DLGAP1: variants seen among roughly 807,000 people sequenced by gnomAD.
DLGAP1 encodes disks large-associated protein 1.
A neutral mutation model predicts 90.8 loss-of-function variants in DLGAP1; 11 were observed. The observed-to-expected ratio is 0.12, with a 90% CI of 0.08 to 0.20. DLGAP1 has a LOEUF of 0.20. Among genes scored for constraint, DLGAP1 ranks in the 10% least tolerant of loss-of-function variants. The pLI, the probability that DLGAP1 is intolerant of heterozygous loss-of-function variation, is 1.00. For missense variants in DLGAP1, 1,050 were observed against 1,333.8 expected (o/e 0.79, Z 3.31); for synonymous variants, 558 against 540.7 (o/e 1.03, Z -0.44).
chr18:4,246,018 C>T (rs1422052556), intron 1 of DLGAP1, among the ~76,000 whole-genome samples: 1 of 152,148 alleles, frequency 6.6e-6, no homozygotes, highest in South Asian at 2.1e-4. Context: ...TGTTTCAGTA[C>T]CACTTGCTGA....
intron 7 of DLGAP1, among the ~76,000 whole-genome samples, chr18:3,612,721 T>C (rs17725070): frequency 0.093 from 14,150 of 152,332 alleles, 840 homozygotes; most frequent in South Asian, 0.18. Context: ...TCTGAAACAT[T>C]GACCAATCAT....
intron 7 of DLGAP1, among the ~76,000 whole-genome samples, chr18:3,674,464 A>T (rs1955071292): frequency 6.6e-6 from 1 of 151,420 alleles, no homozygotes; most frequent in African/African-American, 2.4e-5. Flanking sequence ...ACAAAAAAAT[A>T]AAAAAATCAG....
rs34368710 is a variant in DLGAP1, at chr18:3,636,586, A to ATTT, written c.1592-54341_1592-54339dup. 9.4e-5 allele frequency among the ~76,000 whole-genome samples: 14 copies of ATTT among 149,482 alleles called. 1 individual carries two copies. In the East Asian group the frequency reaches 1.2e-3, roughly 13 times the overall value. On this transcript the variant is annotated intron_variant, in intron 7 of 12. Coordinates refer to ENST00000315677, the MANE Select transcript of DLGAP1 (RefSeq NM_004746.4). ...GCCACAATGCATGGCTAAATTTTGTATTTTTTTTTAGTAGAGATGGGATTA... is the reference window on the plus strand; with the variant it reads ...GCCACAATGCATGGCTAAATTTTGTATTTTTTTTTTTTAGTAGAGATGGGATTA...
chr18:3,751,478 T>C (rs2063491613), intron 5 of DLGAP1, among the ~76,000 whole-genome samples: 1 of 151,890 alleles, frequency 6.6e-6, no homozygotes, highest in Non-Finnish European at 1.5e-5. Flanking sequence ...AATTTTTTTT[T>C]GTAGAGATGG....
chr18:3,772,101 CTTTT>C (rs956571391), intron 5 of DLGAP1, among the ~76,000 whole-genome samples: 68 of 151,366 alleles, frequency 4.5e-4, no homozygotes, highest in Admixed American at 2.9e-3. Context: ...GCCTTTCTTT[CTTTT>C]CTTTTCTTTC....
intron 4 of DLGAP1, 142 bp downstream of exon 4, chr18:3,878,970 G>A (rs565376105): frequency 2.2e-4 from 143 of 642,908 alleles, no homozygotes; most frequent in Non-Finnish European, 3.2e-4. Context: ...GGAGCAATTC[G>A]GCACAGAGAT....
intron 7 of DLGAP1, among the ~76,000 whole-genome samples, chr18:3,610,001 T>C (rs984050045): frequency 6.6e-6 from 1 of 151,656 alleles, no homozygotes; most frequent in Non-Finnish European, 1.5e-5. Flanking sequence ...GAGGTTGCAG[T>C]GAGCCGAGAT....
In DLGAP1 at chr18:4,252,358, T is replaced by A. The variant is rs139166982; in HGVS notation, c.-266-101071A>T. On this transcript the variant is annotated intron_variant, in intron 1 of 12. Transcript: ENST00000315677. The stretch of plus-strand genomic sequence containing the variant: ...ATAGTAGCCTGATACATGAGCAATT[T>A]GGGGGAAGGGATATTTTTCAGAAAT... 1.9e-3 allele frequency among the ~76,000 whole-genome samples: 296 copies of A among 152,308 alleles called. 2 individuals are homozygous for A. The highest frequency in any genetic ancestry group is 6.5e-3 in the African/African-American group (270 of 41,570).
At chr18:4,202,973 T>G (rs1274915094) in intron 1 of DLGAP1, among the ~76,000 whole-genome samples, 8 of 152,174 alleles carry the variant, frequency 5.3e-5, no homozygotes, top group Non-Finnish European at 1.5e-5. Flanking sequence ...TTAAATCACC[T>G]GATTAAAATA....
At chr18:4,034,478 C>T (rs1442259250) in intron 2 of DLGAP1, among the ~76,000 whole-genome samples, 2 of 152,122 alleles carry the variant, frequency 1.3e-5, no homozygotes, top group Non-Finnish European at 1.5e-5. Context: ...GTCCTGTTGC[C>T]TTATTGTAAG....
At chr18:3,839,999 A>G (rs891425284) in intron 4 of DLGAP1, among the ~76,000 whole-genome samples, 2 of 152,026 alleles carry the variant, frequency 1.3e-5, no homozygotes, top group Non-Finnish European at 2.9e-5. Flanking sequence ...AAGCCCCACA[A>G]ATGGCTTTAC....
chr18:3,959,980 A>G (rs1339005106), intron 3 of DLGAP1, among the ~76,000 whole-genome samples: 1 of 152,194 alleles, frequency 6.6e-6, no homozygotes, highest in Non-Finnish European at 1.5e-5. Flanking sequence ...GCACATGACC[A>G]GTAGATAATA....
intron 7 of DLGAP1, among the ~76,000 whole-genome samples, chr18:3,609,233 G>C (rs1006185331): frequency 5.9e-5 from 9 of 152,118 alleles, no homozygotes; most frequent in East Asian, 1.9e-4. Flanking sequence ...TTTTTGTAGA[G>C]ATATGGTCTC....
intron 5 of DLGAP1, among the ~76,000 whole-genome samples, chr18:3,760,154 T>C (rs553077310): frequency 7.9e-5 from 12 of 152,098 alleles, no homozygotes; most frequent in Non-Finnish European, 1.3e-4. Flanking sequence ...CCTCCTTATA[T>C]GTTTGTTATG....
chr18:4,232,278 T>G (rs970218838), intron 1 of DLGAP1, among the ~76,000 whole-genome samples: 1 of 152,158 alleles, frequency 6.6e-6, no homozygotes, highest in Non-Finnish European at 1.5e-5. Context: ...TCCTTAAATT[T>G]TTTTTTAAAA....
chr18:3,890,772 A>C (rs1421079931), intron 3 of DLGAP1, among the ~76,000 whole-genome samples: 1 of 152,142 alleles, frequency 6.6e-6, no homozygotes, highest in Non-Finnish European at 1.5e-5. Flanking sequence ...TGTATCACCC[A>C]AGGTGGAGTG....
At chr18:3,632,165 G>C (rs1341417175) in intron 7 of DLGAP1, among the ~76,000 whole-genome samples, 1 of 152,136 alleles carries the variant, frequency 6.6e-6, no homozygotes, top group East Asian at 1.9e-4. Flanking sequence ...CATTCTTCCT[G>C]CATCTCATAT....
intron 5 of DLGAP1, among the ~76,000 whole-genome samples, chr18:3,760,495 G>C (rs998616723): frequency 6.6e-6 from 1 of 152,212 alleles, no homozygotes; most frequent in African/African-American, 2.4e-5. Flanking sequence ...TTTATTGCCA[G>C]CTGGCTGGGG....
At position 3,683,002 on chromosome 18, in the gene DLGAP1, G is replaced by A. The variant is rs149105082; in HGVS notation, c.1591+46133C>T. On this transcript the variant is annotated intron_variant, in intron 7 of 12. Transcript: ENST00000315677. ...CTCTTGAGTAGGTGGGATTACAGGC[G>A]CGTGCCCTCACGCCTGGCTAACTTT... Among the ~76,000 whole-genome samples the A allele has an allele frequency of 7.8e-3, 1,188 of 151,934 alleles. 10 individuals are homozygous for A. Among genetic ancestry groups the A allele is most frequent in the African/African-American group, 0.027 (1,133 of 41,412 alleles).
Sources: gnomAD v4.1 joint callset for allele counts (sites outside exome capture counted in the v4.1 genomes callset) on GRCh38, gnomAD v4.1.1 for gene constraint, MANE v1.5 for transcripts, NCBI Gene and HGNC (gene_info 2026-07-23, HGNC 2026-07-21) for gene names.